Variants in MNAT1 observed in about 807,000 individuals in gnomAD.
MNAT1 encodes the protein MNAT1 component of CDK activating kinase.
MNAT1 carries 43 observed loss-of-function variants against 42.0 expected under a neutral mutation model. That is an observed-to-expected ratio of 1.02 (90% CI 0.80 to 1.32). The LOEUF (loss-of-function observed/expected upper bound fraction) is 1.32. Among genes scored for constraint, MNAT1 ranks in the 40% most tolerant of loss-of-function variants. The pLI is 0.00. For synonymous variants in MNAT1, 118 were observed against 120.0 expected, an observed-to-expected ratio of 0.98 and a Z score of 0.11; for missense variants, 306 against 350.4, an observed-to-expected ratio of 0.87 and a Z score of 1.01.
chr14:60,762,337 A>G (rs1419358749), intron 1 of MNAT1, among the ~76,000 whole-genome samples: 2 of 152,160 alleles, frequency 1.3e-5, no homozygotes, highest in Non-Finnish European at 2.9e-5. Context: ...ATGATGGATT[A>G]TAGGTGGTTT....
At chr14:60,808,509 T>A in intron 4 of MNAT1, 81 bp downstream of exon 4, 1 of 817,994 alleles carries the variant, frequency 1.2e-6, no homozygotes, top group Non-Finnish European at 1.9e-6. Context: ...CATCTTCCTT[T>A]AAACCAGTTA....
At chr14:60,736,478 CA>C (rs1297065670) in intron 1 of MNAT1, among the ~76,000 whole-genome samples, 2 of 152,168 alleles carry the variant, frequency 1.3e-5, no homozygotes, top group Admixed American at 1.3e-4. Context: ...GTTGTATCCT[CA>C]GCCCTTTTTG....
chr14:60,909,383 C>T (rs1002176935), intron 7 of MNAT1, among the ~76,000 whole-genome samples: 5 of 152,306 alleles, frequency 3.3e-5, no homozygotes, highest in South Asian at 2.1e-4. Flanking sequence ...GTGTTTTAAA[C>T]ATGAAGTCCT....
At chr14:60,936,276 C>T (rs1192922841) in intron 7 of MNAT1, among the ~76,000 whole-genome samples, 4 of 152,058 alleles carry the variant, frequency 2.6e-5, no homozygotes, top group Admixed American at 1.3e-4. Flanking sequence ...ATGTGCACAA[C>T]GTGCAGGTTT....
intron 7 of MNAT1, among the ~76,000 whole-genome samples, chr14:60,948,039 A>G (rs868145079): frequency 1.3e-5 from 2 of 152,166 alleles, no homozygotes; most frequent in African/African-American, 4.8e-5. Context: ...CTCTTTCTCC[A>G]ATCTATCTTT....
At chr14:60,862,457 G>C (rs1263991371) in intron 6 of MNAT1, among the ~76,000 whole-genome samples, 1 of 152,184 alleles carries the variant, frequency 6.6e-6, no homozygotes, top group Non-Finnish European at 1.5e-5. Flanking sequence ...ATGCCCCTTA[G>C]TTCCCCTTTT....
intron 1 of MNAT1, among the ~76,000 whole-genome samples, chr14:60,736,008 T>A (rs1566745016): frequency 6.6e-6 from 1 of 152,200 alleles, no homozygotes; most frequent in Non-Finnish European, 1.5e-5. Context: ...AAGCATAAAT[T>A]GCATGATTAG....
At chr14:60,822,757 A>AT (rs1341378851) in intron 6 of MNAT1, among the ~76,000 whole-genome samples, 1 of 151,284 alleles carries the variant, frequency 6.6e-6, no homozygotes. Context: ...AGCCTACTTT[A>AT]TTTTTTATTT....
intron 6 of MNAT1, 103 bp downstream of exon 6, chr14:60,818,950 A>G: frequency 1.5e-6 from 2 of 1,318,780 alleles, no homozygotes; most frequent in Non-Finnish European, 2.1e-6. Flanking sequence ...CAGATGTTTA[A>G]GAACAGTGTC....
intron 3 of MNAT1, 43 bp downstream of exon 3, chr14:60,798,203 G>T: frequency 9.6e-7 from 1 of 1,040,438 alleles, no homozygotes. Context: ...AAGACCATGT[G>T]CTTTTATCTT....
At chr14:60,818,376 G>A (rs964677364) in intron 5 of MNAT1, among the ~76,000 whole-genome samples, 1 of 151,962 alleles carries the variant, frequency 6.6e-6, no homozygotes, top group African/African-American at 2.4e-5. Flanking sequence ...TAAAAAGAAT[G>A]CGTCTTAGAT....
At chr14:60,750,595 C>G (rs1424807598) in intron 1 of MNAT1, among the ~76,000 whole-genome samples, 1 of 109,220 alleles carries the variant, frequency 9.2e-6, no homozygotes, top group Non-Finnish European at 1.8e-5. Flanking sequence ...TAGAAATATT[C>G]TTTGTAGTTA....
intron 7 of MNAT1, among the ~76,000 whole-genome samples, chr14:60,888,499 T>C (rs2034742800): frequency 6.6e-6 from 1 of 151,964 alleles, no homozygotes; most frequent in Non-Finnish European, 1.5e-5. Flanking sequence ...TCATACAGAA[T>C]GGACAAAAAA....
chr14:60,842,657 G>A (rs1336063566), intron 6 of MNAT1, among the ~76,000 whole-genome samples: 1 of 152,032 alleles, frequency 6.6e-6, no homozygotes, highest in African/African-American at 2.4e-5. Flanking sequence ...TTGTTGTTTT[G>A]TATATCAAGA....
At chr14:60,848,079 T>C (rs1003712326) in intron 6 of MNAT1, among the ~76,000 whole-genome samples, 6 of 152,234 alleles carry the variant, frequency 3.9e-5, no homozygotes, top group Non-Finnish European at 8.8e-5. Context: ...CATTTCCTTT[T>C]AGCCTGCAGG....
chr14:60,847,652 G>C (rs2033714803), intron 6 of MNAT1, among the ~76,000 whole-genome samples: 1 of 151,674 alleles, frequency 6.6e-6, no homozygotes, highest in South Asian at 2.1e-4. Context: ...CTCATTTATT[G>C]CTCTTTTTTG....
chr14:60,851,115 C>A (rs996864579), intron 6 of MNAT1, among the ~76,000 whole-genome samples: 1 of 152,074 alleles, frequency 6.6e-6, no homozygotes, highest in African/African-American at 2.4e-5. Flanking sequence ...CATGAAAAGA[C>A]AAACATTGGT....
rs556793001 is a variant in MNAT1 at position 60,913,225 on chromosome 14, G to A, written c.809+33390G>A. Reference sequence around the variant, plus strand: ...CATTGGTTATTCTAGTTGTCCATTCGTCTAATTTTTTTTTCAAAGTTTTTA... The same window carrying A: ...CATTGGTTATTCTAGTTGTCCATTCATCTAATTTTTTTTTCAAAGTTTTTA... On this transcript the variant is annotated intron_variant, in intron 7 of 7. Coordinates refer to ENST00000261245, the MANE Select transcript of MNAT1 (RefSeq NM_002431.4). Among the ~76,000 whole-genome samples the A allele has an allele frequency of 5.3e-5, 8 of 152,092 alleles. No homozygotes were observed. In the South Asian group the frequency reaches 6.2e-4, roughly 12 times the overall value.
intron 7 of MNAT1, among the ~76,000 whole-genome samples, chr14:60,934,938 G>T (rs2035963196): frequency 6.6e-6 from 1 of 152,132 alleles, no homozygotes; most frequent in Non-Finnish European, 1.5e-5. Context: ...CAAATATAGA[G>T]GTGCTTTCCC....
Sources: allele counts gnomAD v4.1 joint callset (sites outside exome capture counted in the v4.1 genomes callset), GRCh38; gene constraint gnomAD v4.1.1; transcripts MANE v1.5; gene names NCBI Gene and HGNC (gene_info 2026-07-23, HGNC 2026-07-21).